Variants in SIGLEC9 observed in about 807,000 individuals in gnomAD.
SIGLEC9 encodes the protein sialic acid binding Ig like lectin 9.
Under a neutral mutation model 38.3 loss-of-function variants are expected in SIGLEC9, and 26 were observed. The observed-to-expected ratio is 0.68, with a 90% CI of 0.50 to 0.94. The LOEUF (loss-of-function observed/expected upper bound fraction) is 0.94. Ranked by LOEUF, SIGLEC9 falls within the 40% of genes least tolerant of loss-of-function variation. The pLI, the probability that SIGLEC9 is intolerant of heterozygous loss-of-function variation, is 0.00. For missense variants in SIGLEC9, 556 were observed against 585.7 expected, an observed-to-expected ratio of 0.95 and a Z score of 0.52; for synonymous variants, 236 against 248.0, an observed-to-expected ratio of 0.95 and a Z score of 0.45.
At chr19:51,129,364 T>G (rs541957975) in intron 6 of SIGLEC9, among the ~76,000 whole-genome samples, 1 of 151,804 alleles carries the variant, frequency 6.6e-6, no homozygotes, top group Non-Finnish European at 1.5e-5. Flanking sequence ...TTTCACTGTG[T>G]TAGCCAGGAT....
At chr19:51,129,203 G>C (rs1259812574) in intron 6 of SIGLEC9, among the ~76,000 whole-genome samples, 1 of 142,424 alleles carries the variant, frequency 7.0e-6, no homozygotes, top group Non-Finnish European at 1.5e-5. Flanking sequence ...CTGTCGCCCA[G>C]GCTGGAGTGC....
At chr19:51,124,839 T>C, upstream of SIGLEC9, 1 of 1,141,860 alleles carries the variant, frequency 8.8e-7, no homozygotes, top group Non-Finnish European at 1.2e-6. Flanking sequence ...AAGTTCCTCC[T>C]CTGAGGAGGT....
rs1033846637 is a variant in SIGLEC9, at chr19:51,129,942, C to A, written c.1255C>A (p.Pro419Thr). 6.2e-7 allele frequency: 1 copy of A among 1,613,102 alleles called. No homozygotes were observed. Among genetic ancestry groups the A allele is most frequent in the Non-Finnish European group, 8.5e-7 (1 of 1,179,530 alleles). Reference sequence around the variant, plus strand: ...AGACAGTCCCCCAGACCAGCCTCCCCCAGCTTCTGCCCGCTCCTCAGTGGG... The same window carrying A: ...AGACAGTCCCCCAGACCAGCCTCCCACAGCTTCTGCCCGCTCCTCAGTGGG... ...AEDSPPDQPP[P>T]ASARSSVGEG... The change falls in exon 7 of 7, where the codon CCA (proline) becomes ACA (threonine). Residue 419 changes from proline (P) to threonine (T), a missense_variant. By Grantham distance (38) the Pro-to-Thr change is conservative (BLOSUM62 -1). Coordinates refer to ENST00000250360, the MANE Select transcript of SIGLEC9 (RefSeq NM_014441.3).
chr19:51,130,869 G>A (rs2092011335), downstream of SIGLEC9, among the ~76,000 whole-genome samples: 1 of 152,148 alleles, frequency 6.6e-6, no homozygotes, highest in Non-Finnish European at 1.5e-5. Context: ...TTTGCAACAT[G>A]CCCTGTTGGT....
At chr19:51,128,363 A>T in intron 5 of SIGLEC9, 51 bp from the exon 6 acceptor site, 1 of 1,589,766 alleles carries the variant, frequency 6.3e-7, no homozygotes. Flanking sequence ...TGGTCTGCCC[A>T]CCGCACCCCA....
At chr19:51,128,606 C>T in intron 6 of SIGLEC9, 96 bp downstream of exon 6, 1 of 1,054,550 alleles carries the variant, frequency 9.5e-7, no homozygotes, top group Middle Eastern at 2.1e-4. Flanking sequence ...CCAAAGTTAC[C>T]TCCTCTCTGT....
chr19:51,135,278 G>C (rs770030276), downstream of SIGLEC9, among the ~76,000 whole-genome samples: 58 of 152,262 alleles, frequency 3.8e-4, no homozygotes, highest in Non-Finnish European at 1.8e-4. Context: ...CGGTGGTAAT[G>C]AATTTTTTTC....
At chr19:51,124,105 G>A (rs955454563), upstream of SIGLEC9, among the ~76,000 whole-genome samples, 4 of 152,146 alleles carry the variant, frequency 2.6e-5, no homozygotes, top group Admixed American at 2.0e-4. Context: ...GAAACCCTTC[G>A]TGGTGCAGTG....
chr19:51,125,740 G>A lies in SIGLEC9; in HGVS notation c.565G>A (p.Asp189Asn), dbSNP rs765201313. The change falls in exon 2 of 7, where the codon GAC (aspartate) becomes AAC (asparagine). Residue 189 changes from aspartate (D) to asparagine (N), a missense_variant. Coordinates refer to ENST00000250360, the MANE Select transcript of SIGLEC9 (RefSeq NM_014441.3). ...SWIGTSVSPL[D>N]PSTTRSSVLT... ...GATAGGGACCTCCGTGTCCCCCCTGGACCCCTCCACCACCCGCTCCTCGGT... is the reference window on the plus strand; with the variant it reads ...GATAGGGACCTCCGTGTCCCCCCTGAACCCCTCCACCACCCGCTCCTCGGT... 1 of 1,614,000 alleles carries A rather than the reference G, an allele frequency of 6.2e-7. No individual in the cohort carries two copies. The highest frequency in any genetic ancestry group is 1.1e-5 in the South Asian group (1 of 91,072).
chr19:51,122,286 T>G (rs997149636), upstream of SIGLEC9, among the ~76,000 whole-genome samples: 2 of 152,052 alleles, frequency 1.3e-5, no homozygotes, highest in African/African-American at 4.8e-5. This position sits in a 1 kb window ranked among gnomAD's most constrained non-coding sequence, Gnocchi z 4.1. Context: ...TTTGTGTACA[T>G]AAGAGCATGA....
rs553290247 is a variant in SIGLEC9 at position 51,125,761 on chromosome 19, T to G, written c.586T>G (p.Ser196Ala). The G allele has an allele frequency of 2.5e-6, 4 of 1,612,810 alleles. No individual in the cohort carries two copies. The highest frequency in any genetic ancestry group is 2.5e-6 in the Non-Finnish European group (3 of 1,178,972). ...CCTGGACCCCTCCACCACCCGCTCCTCGGTGCTCACCCTCATCCCACAGCC... is the reference window on the plus strand; with the variant it reads ...CCTGGACCCCTCCACCACCCGCTCCGCGGTGCTCACCCTCATCCCACAGCC... Reference protein sequence around the residue: ...SPLDPSTTRSSVLTLIPQPQD... With the variant: ...SPLDPSTTRSAVLTLIPQPQD... Residue 196 changes from serine to alanine, a missense_variant, in exon 2 of 7, where the codon TCG (serine) becomes GCG (alanine). Coordinates refer to ENST00000250360, the MANE Select transcript of SIGLEC9 (RefSeq NM_014441.3).
chr19:51,130,686 A>G (rs539376594), downstream of SIGLEC9, among the ~76,000 whole-genome samples: 1 of 152,272 alleles, frequency 6.6e-6, no homozygotes, highest in South Asian at 2.1e-4. Flanking sequence ...TGCACAGTCC[A>G]GTGGGAATCT....
chr19:51,120,922 T>G (rs10405995), upstream of SIGLEC9, among the ~76,000 whole-genome samples: 18,774 of 151,122 alleles, frequency 0.12, 3,943 homozygotes, highest in African/African-American at 0.43. This position sits in a 1 kb window ranked among gnomAD's most constrained non-coding sequence, Gnocchi z 4.1. Flanking sequence ...CTCTGCTCAC[T>G]GCAGCCTCCG....
In SIGLEC9 at chr19:51,124,991, T is replaced by C. The variant is rs1599814859; in HGVS notation, c.17T>C (p.Leu6Pro). 1.2e-6 allele frequency: 2 copies of C among 1,607,338 alleles called. No individual in the cohort carries two copies. Among genetic ancestry groups the C allele is most frequent in the Middle Eastern group, 1.7e-4 (1 of 6,014 alleles). ...ACCCCAGACATGCTGCTGCTGCTGC[T>C]GCCCCTGCTCTGGGGGAGGGAGAGG... MLLLL[L>P]PLLWGRERAE... The change falls in exon 1 of 7, where the codon CTG (leucine) becomes CCG (proline). Residue 6 changes from leucine (L) to proline (P), a missense_variant. Physicochemically the swap from Leu to Pro is moderately conservative, Grantham distance 98. Coordinates refer to ENST00000250360, the MANE Select transcript of SIGLEC9 (RefSeq NM_014441.3).
intron 4 of SIGLEC9, 145 bp downstream of exon 4, chr19:51,127,441 C>T: frequency 2.2e-6 from 2 of 891,942 alleles, no homozygotes; most frequent in East Asian, 2.7e-5. Context: ...CTGGGACCCA[C>T]AGCACCACTG....
upstream of SIGLEC9, among the ~76,000 whole-genome samples, chr19:51,123,240 G>A (rs577422183): frequency 5.3e-5 from 8 of 152,282 alleles, no homozygotes; most frequent in East Asian, 1.4e-3. Flanking sequence ...TAGGGAAGCC[G>A]AAGGATTGTT....
Position 51,128,718 on chromosome 19 carries a change from C to T in SIGLEC9, c.1203+208C>T, listed in dbSNP as rs2091995550. On this transcript the variant is annotated intron_variant, in intron 6 of 6. Coordinates refer to ENST00000250360, the MANE Select transcript of SIGLEC9 (RefSeq NM_014441.3). ...TGCTCCCTATCCTGACCCTTCATTG[C>T]TGAGGCCTGAGGATCTCTGTCTTTT... is the stretch of plus-strand genomic sequence containing the variant. 5.9e-6 allele frequency: 3 copies of T among 507,860 alleles called. No homozygotes were observed. In the South Asian group the frequency reaches 7.0e-5, roughly 12 times the overall value. 31.5% of individuals were successfully genotyped at this position (507,860 alleles called of 1,614,324 possible).
chr19:51,126,553 T>A (rs1056528389), intron 3 of SIGLEC9, among the ~76,000 whole-genome samples: 10 of 152,162 alleles, frequency 6.6e-5, no homozygotes, highest in Admixed American at 1.3e-4. Context: ...AACCAACCAC[T>A]GTCCATCCAG....
In SIGLEC9 at chr19:51,125,040, G is replaced by A. The variant is rs755966223; in HGVS notation, c.66G>A (p.Leu22=). 1 of 1,613,992 alleles carries A rather than the reference G, an allele frequency of 6.2e-7. No individual in the cohort carries two copies. Among genetic ancestry groups the A allele is most frequent in the South Asian group, 1.1e-5 (1 of 91,078 alleles). The part of the protein sequence containing the change: ...RERAEGQTSK[L]LTMQSSVTVQ... ...GGGCGGAAGGACAGACAAGTAAACTGCTGACGATGCAGAGTTCCGTGACGG... is the reference window on the plus strand; with the variant it reads ...GGGCGGAAGGACAGACAAGTAAACTACTGACGATGCAGAGTTCCGTGACGG... Residue 22 remains leucine (L), a synonymous_variant, in exon 1 of 7, where the codon CTG becomes CTA. Transcript: ENST00000250360.
Sources: gnomAD v4.1 joint callset for allele counts (sites outside exome capture counted in the v4.1 genomes callset) on GRCh38, gnomAD v4.1.1 for gene constraint, Gnocchi (gnomAD v3.1) non-coding constraint, MANE v1.5 for transcripts, NCBI Gene and HGNC (gene_info 2026-07-23, HGNC 2026-07-21) for gene names.